AOPEP: variants seen among roughly 807,000 people sequenced by gnomAD.
AOPEP encodes the protein aminopeptidase O (putative), also known as aminopeptidase O.
In AOPEP, 77 loss-of-function variants were observed where a neutral mutation model predicts 98.1. That is an observed-to-expected ratio of 0.78 (90% CI 0.65 to 0.95). AOPEP has a LOEUF of 0.95. Ranked by LOEUF, AOPEP falls within the 40% of genes least tolerant of loss-of-function variation. AOPEP has a pLI of 0.00. For synonymous variants in AOPEP, 346 were observed against 365.3 expected (o/e 0.95, Z 0.60); for missense variants, 1,024 against 1,024.7 (o/e 1.00, Z 0.01).
chr9:94,727,328 A>G (rs991014039), intron 1 of AOPEP, among the ~76,000 whole-genome samples: 2 of 152,206 alleles, frequency 1.3e-5, no homozygotes, highest in Non-Finnish European at 2.9e-5. Flanking sequence ...TGTGATTATG[A>G]TTATCTATTG....
At chr9:94,727,804 T>C (rs1292943699) in intron 1 of AOPEP, among the ~76,000 whole-genome samples, 1 of 152,186 alleles carries the variant, frequency 6.6e-6, no homozygotes, top group South Asian at 2.1e-4. Flanking sequence ...AAGGTTAGGG[T>C]ATAATAATAG....
chr9:94,756,314 A>G (rs918815251), intron 1 of AOPEP, among the ~76,000 whole-genome samples: 3 of 151,996 alleles, frequency 2.0e-5, no homozygotes, highest in African/African-American at 7.2e-5. Context: ...CTGTAATCCC[A>G]GCACTTTGGG....
intron 3 of AOPEP, among the ~76,000 whole-genome samples, chr9:94,782,354 T>C (rs1430583616): frequency 6.6e-6 from 1 of 152,208 alleles, no homozygotes; most frequent in Non-Finnish European, 1.5e-5. Flanking sequence ...TGCCCTTGCA[T>C]AGGATCTGAT....
At chr9:94,945,977 C>G (rs1288163003) in intron 7 of AOPEP, among the ~76,000 whole-genome samples, 5 of 152,126 alleles carry the variant, frequency 3.3e-5, no homozygotes, top group African/African-American at 9.7e-5. Context: ...CACCTTAACC[C>G]TGATAGATGA....
chr9:94,917,140 C>T (rs2052945348), intron 5 of AOPEP, among the ~76,000 whole-genome samples: 1 of 152,168 alleles, frequency 6.6e-6, no homozygotes, highest in South Asian at 2.1e-4. Context: ...CAGTGCTGCC[C>T]TGTTCCGTAT....
intron 9 of AOPEP, among the ~76,000 whole-genome samples, chr9:94,957,600 A>G (rs1035923193): frequency 2.0e-5 from 3 of 152,232 alleles, no homozygotes; most frequent in Non-Finnish European, 2.9e-5. Context: ...TTGAAAGTCT[A>G]CAAGTCAGTG....
intron 13 of AOPEP, among the ~76,000 whole-genome samples, chr9:95,012,370 A>G (rs1324403885): frequency 6.6e-6 from 1 of 152,232 alleles, no homozygotes; most frequent in Non-Finnish European, 1.5e-5. Context: ...CTTCTATGCC[A>G]TAAGAGATGA....
intron 13 of AOPEP, among the ~76,000 whole-genome samples, chr9:95,044,012 CAT>C (rs566335310): frequency 4.3e-4 from 65 of 152,168 alleles, no homozygotes; most frequent in Non-Finnish European, 7.9e-4. Context: ...CTGTGGGTAA[CAT>C]GTGTTCCTGT....
intron 5 of AOPEP, among the ~76,000 whole-genome samples, chr9:94,875,369 A>G (rs1374624917): frequency 6.7e-6 from 1 of 149,218 alleles, no homozygotes; most frequent in Non-Finnish European, 1.5e-5. Context: ...AAAAAAAAAA[A>G]AAAGACTCAT....
rs2060088347 is a variant in AOPEP at position 94,980,064 on chromosome 9, T to G, written c.1977+637T>G. ...CTCCCTTTCAGTCTATGGGCAACTC[T>G]AAGGGAGAAACCTTTTCCTGGCCAG... On this transcript the variant is annotated intron_variant, in intron 11 of 16. Coordinates refer to ENST00000375315, the MANE Select transcript of AOPEP (RefSeq NM_001193329.3). The surrounding 1 kb of genome is among the most constrained non-coding windows in gnomAD (Gnocchi z 4.3). Among the ~76,000 whole-genome samples the G allele has an allele frequency of 6.6e-6, 1 of 152,236 alleles. No homozygotes were observed. The highest frequency in any genetic ancestry group is 2.4e-5 in the African/African-American group (1 of 41,464).
At chr9:95,138,127 C>G in the AOPEP span, among the ~76,000 whole-genome samples, 1 of 152,242 alleles carries the variant, frequency 6.6e-6, no homozygotes, top group Non-Finnish European at 1.5e-5. Context: ...AAAACAGGTA[C>G]AAAATTATCC....
intron 3 of AOPEP, among the ~76,000 whole-genome samples, chr9:94,776,829 A>G (rs1842213482): frequency 6.6e-6 from 1 of 150,924 alleles, no homozygotes; most frequent in Non-Finnish European, 1.5e-5. Flanking sequence ...CTATTATTGT[A>G]TTTTCATTCA....
chr9:95,133,415 AT>A, the AOPEP span, among the ~76,000 whole-genome samples: 1 of 152,246 alleles, frequency 6.6e-6, no homozygotes, highest in Non-Finnish European at 1.5e-5. Flanking sequence ...TGCACACATG[AT>A]CCCGATAAAA....
At chr9:94,957,527 G>A (rs76926563) in intron 9 of AOPEP, among the ~76,000 whole-genome samples, 4,373 of 152,192 alleles carry the variant, frequency 0.029, 238 homozygotes, top group African/African-American at 0.1. Flanking sequence ...CTTTTGAAAA[G>A]CTTCATTGTT....
In AOPEP at chr9:94,751,189, G is replaced by A. The variant is rs117529181; in HGVS notation, c.-135-8460G>A. On this transcript the variant is annotated intron_variant, in intron 1 of 16. Coordinates refer to ENST00000375315, the MANE Select transcript of AOPEP (RefSeq NM_001193329.3). ...TCAATGCCATTCCCTTCTTCCACGT[G>A]TTGGCGCCTTACAGTTCTTGTCAGC... 5.8e-4 allele frequency among the ~76,000 whole-genome samples: 88 copies of A among 152,246 alleles called. 1 individual carries two copies. The East Asian group carries it at 0.014, about 24-fold the overall frequency.
intron 13 of AOPEP, among the ~76,000 whole-genome samples, chr9:95,038,511 T>G (rs1048900249): frequency 6.6e-6 from 1 of 152,196 alleles, no homozygotes; most frequent in Non-Finnish European, 1.5e-5. Flanking sequence ...GGCCACTACC[T>G]GGCTAAGTAG....
At chr9:95,085,978 C>T (rs775642075) in intron 16 of AOPEP, 1 of 1,359,196 alleles carries the variant, frequency 7.4e-7, no homozygotes, top group Non-Finnish European at 9.8e-7. Flanking sequence ...CACGGAGCTC[C>T]CAGCTGAGGC....
chr9:94,844,534 A>G (rs958409884), intron 5 of AOPEP, among the ~76,000 whole-genome samples: 8 of 152,178 alleles, frequency 5.3e-5, no homozygotes, highest in Admixed American at 2.0e-4. Context: ...ATCTTGAAAT[A>G]TATACTACAT....
At chr9:95,125,265 A>G in the AOPEP span, 1 of 1,131,202 alleles carries the variant, frequency 8.8e-7, no homozygotes, top group East Asian at 2.4e-5. Context: ...ATAAGGGAAA[A>G]GTAGAAACAC....
Sources: allele counts gnomAD v4.1 joint callset (sites outside exome capture counted in the v4.1 genomes callset), GRCh38; gene constraint gnomAD v4.1.1; non-coding constraint Gnocchi (gnomAD v3.1); transcripts MANE v1.5; gene names NCBI Gene and HGNC (gene_info 2026-07-23, HGNC 2026-07-21).